Variants in TRHDE observed in about 807,000 individuals in gnomAD.
TRHDE encodes the protein thyrotropin releasing hormone degrading enzyme.
Under a neutral mutation model 125.7 loss-of-function variants are expected in TRHDE, and 72 were observed. The observed-to-expected ratio is 0.57, with a 90% CI of 0.47 to 0.70. The LOEUF (loss-of-function observed/expected upper bound fraction) is 0.70. Ranked by LOEUF, TRHDE falls within the 30% of genes least tolerant of loss-of-function variation. The probability of loss-of-function intolerance (pLI) is 0.00; values close to 1 mark genes in which losing one functional copy is unlikely to be tolerated. For missense variants in TRHDE, 1,110 were observed against 1,327.1 expected, an observed-to-expected ratio of 0.84 and a Z score of 2.54; for synonymous variants, 509 against 509.1, an observed-to-expected ratio of 1.00 and a Z score of 0.00.
chr12:72,597,522 G>A (rs1003706243), intron 12 of TRHDE, among the ~76,000 whole-genome samples: 2 of 151,236 alleles, frequency 1.3e-5, no homozygotes, highest in Non-Finnish European at 1.5e-5. Flanking sequence ...ATAAAAATTA[G>A]CCAGGCGTGG....
chr12:72,243,142 C>A (rs1192345118), intron 2 of TRHDE, among the ~76,000 whole-genome samples: 1 of 152,180 alleles, frequency 6.6e-6, no homozygotes, highest in East Asian at 1.9e-4. Flanking sequence ...ATGAAAAGAA[C>A]CTGGTCTTTG....
At chr12:72,499,355 ATTGGGTT>A in intron 5 of TRHDE, 136 bp from the exon 6 acceptor site, 2 of 1,077,030 alleles carry the variant, frequency 1.9e-6, no homozygotes, top group South Asian at 3.6e-5. Context: ...GAGCATTTTT[ATTGGGTT>A]CACTTTAGAG....
At chr12:72,195,328 T>C (rs1047570024) in intron 2 of TRHDE, among the ~76,000 whole-genome samples, 1 of 152,140 alleles carries the variant, frequency 6.6e-6, no homozygotes, top group Non-Finnish European at 1.5e-5. Context: ...ATCTCTAAAC[T>C]GCTTTCCACA....
intron 2 of TRHDE, among the ~76,000 whole-genome samples, chr12:72,311,950 C>A (rs536221945): frequency 1.3e-5 from 2 of 151,994 alleles, no homozygotes; most frequent in African/African-American, 4.8e-5. Flanking sequence ...AAGACTATTA[C>A]GTAAATTTCA....
chr12:72,227,291 C>T (rs1878151779), intron 2 of TRHDE, among the ~76,000 whole-genome samples: 1 of 152,138 alleles, frequency 6.6e-6, no homozygotes, highest in Non-Finnish European at 1.5e-5. Context: ...GCTGGGAAGG[C>T]ATCACAGTCA....
intron 7 of TRHDE, among the ~76,000 whole-genome samples, chr12:72,547,346 C>A (rs1869466781): frequency 2.0e-5 from 3 of 151,792 alleles, no homozygotes; most frequent in South Asian, 4.1e-4. Flanking sequence ...ATTTTACTAA[C>A]CTCATAACTT....
chr12:72,399,190 G>A (rs1158846107), intron 3 of TRHDE, among the ~76,000 whole-genome samples: 1 of 152,194 alleles, frequency 6.6e-6, no homozygotes, highest in Admixed American at 6.5e-5. Flanking sequence ...TCTGTCTGTG[G>A]AAAAATTATC....
intron 6 of TRHDE, among the ~76,000 whole-genome samples, chr12:72,504,317 T>G (rs990143796): frequency 1.3e-5 from 2 of 151,802 alleles, no homozygotes; most frequent in Non-Finnish European, 2.9e-5. Flanking sequence ...TTTTTTTTTT[T>G]TTTTTTGAGA....
chr12:72,464,153 G>A (rs970002203), intron 3 of TRHDE, among the ~76,000 whole-genome samples: 1 of 152,180 alleles, frequency 6.6e-6, no homozygotes, highest in Non-Finnish European at 1.5e-5. Flanking sequence ...ACTACAAGAT[G>A]CTTAGATATT....
At chr12:72,372,299 CA>C (rs1257069269) in intron 2 of TRHDE, among the ~76,000 whole-genome samples, 1 of 151,922 alleles carries the variant, frequency 6.6e-6, no homozygotes, top group Non-Finnish European at 1.5e-5. Flanking sequence ...AGCCCTTTGT[CA>C]GATGAGTAGG....
At chr12:72,355,985 C>A (rs1870798766) in intron 2 of TRHDE, among the ~76,000 whole-genome samples, 1 of 151,672 alleles carries the variant, frequency 6.6e-6, no homozygotes, top group Non-Finnish European at 1.5e-5. Context: ...TGTGGCAGTT[C>A]CTCAAAGAGC....
intron 5 of TRHDE, among the ~76,000 whole-genome samples, chr12:72,485,403 C>T (rs1048779435): frequency 6.6e-6 from 1 of 152,168 alleles, no homozygotes; most frequent in African/African-American, 2.4e-5. Flanking sequence ...AGGCAAGCTA[C>T]TTTGGAACTG....
intron 2 of TRHDE, among the ~76,000 whole-genome samples, chr12:72,305,011 C>G (rs1256721485): frequency 6.6e-6 from 1 of 151,858 alleles, no homozygotes; most frequent in Non-Finnish European, 1.5e-5. Flanking sequence ...GAAGAGAGAG[C>G]AAGAGAGCAC....
At chr12:72,156,282 G>A (rs1876505446) in intron 2 of TRHDE, among the ~76,000 whole-genome samples, 2 of 152,172 alleles carry the variant, frequency 1.3e-5, no homozygotes, top group African/African-American at 4.8e-5. Context: ...AATTTTCCAG[G>A]TGACATCTGT....
chr12:72,508,768 G>T (rs1046453016), intron 6 of TRHDE, among the ~76,000 whole-genome samples: 2 of 152,184 alleles, frequency 1.3e-5, no homozygotes, highest in Non-Finnish European at 2.9e-5. Context: ...AATCCCCAGT[G>T]TTGGAGGAGG....
At chr12:72,258,400 T>G (rs1289813870) in intron 2 of TRHDE, among the ~76,000 whole-genome samples, 1 of 152,166 alleles carries the variant, frequency 6.6e-6, no homozygotes, top group Non-Finnish European at 1.5e-5. Context: ...GTTGATGTTA[T>G]GTAATTAGTT....
chr12:72,637,354 C>CT (rs1873807189), intron 15 of TRHDE, among the ~76,000 whole-genome samples: 1 of 152,132 alleles, frequency 6.6e-6, no homozygotes, highest in Non-Finnish European at 1.5e-5. Flanking sequence ...GTGATATCCC[C>CT]TTTATCATCT....
At chr12:72,474,088 ATTGTT>A (rs1876777958) in intron 5 of TRHDE, among the ~76,000 whole-genome samples, 1 of 152,074 alleles carries the variant, frequency 6.6e-6, no homozygotes, top group South Asian at 2.1e-4. Context: ...ATATGTATAT[ATTGTT>A]TTAAAGCACT....
At chr12:72,123,782 T>C (rs1875646626) in intron 2 of TRHDE, among the ~76,000 whole-genome samples, 1 of 152,146 alleles carries the variant, frequency 6.6e-6, no homozygotes, top group Admixed American at 6.5e-5. Context: ...ACAATCAAGA[T>C]ATTGAACATT....
Sources: allele counts gnomAD v4.1 joint callset (sites outside exome capture counted in the v4.1 genomes callset), GRCh38; gene constraint gnomAD v4.1.1; transcripts MANE v1.5; gene names NCBI Gene and HGNC (gene_info 2026-07-23, HGNC 2026-07-21).